SIPA1L3: variants seen among roughly 807,000 people sequenced by gnomAD.
SIPA1L3 encodes the protein signal-induced proliferation-associated 1-like protein 3.
Under a neutral mutation model 150.1 loss-of-function variants are expected in SIPA1L3, and 59 were observed. That is an observed-to-expected ratio of 0.39 (90% CI 0.32 to 0.49). SIPA1L3 has a LOEUF of 0.49. SIPA1L3 is among the 20% of genes least tolerant of loss of function. The pLI is 0.86. For missense variants in SIPA1L3, 2,211 were observed against 2,489.5 expected (o/e 0.89, Z 2.38); for synonymous variants, 1,070 against 1,077.6 (o/e 0.99, Z 0.14).
intron 1 of SIPA1L3, among the ~76,000 whole-genome samples, chr19:37,951,517 T>C (rs1488495614): frequency 6.6e-6 from 1 of 152,066 alleles, no homozygotes; most frequent in Non-Finnish European, 1.5e-5. Context: ...TTACAGATTA[T>C]TTTCATCTTC....
At chr19:38,138,389 A>G (rs1378755561) in intron 10 of SIPA1L3, among the ~76,000 whole-genome samples, 1 of 152,182 alleles carries the variant, frequency 6.6e-6, no homozygotes, top group African/African-American at 2.4e-5. Context: ...GACTCTGCGT[A>G]CCAGCAACAG....
chr19:38,157,653 G>A lies in SIPA1L3; in HGVS notation c.3662-4600G>A, dbSNP rs570111512. Among the ~76,000 whole-genome samples, 7 of 152,272 alleles carry A rather than the reference G, an allele frequency of 4.6e-5. No homozygotes were observed. The East Asian group carries it at 1.4e-3, about 29-fold the overall frequency. ...CCCTGCCCAGCATGTCAAGTTTGGG[G>A]TAGGAAGGCCAGCAGGTCACCGAGG... On this transcript the variant is annotated intron_variant, in intron 13 of 21. Coordinates refer to ENST00000222345, the MANE Select transcript of SIPA1L3 (RefSeq NM_015073.3).
At chr19:38,034,324 G>A (rs1013006534) in intron 2 of SIPA1L3, among the ~76,000 whole-genome samples, 3 of 152,178 alleles carry the variant, frequency 2.0e-5, no homozygotes, top group South Asian at 2.1e-4. Flanking sequence ...AGCGCCTCAC[G>A]TGCATGATCT....
intron 20 of SIPA1L3, 146 bp downstream of exon 20, chr19:38,202,143 C>T: frequency 2.7e-6 from 2 of 736,518 alleles, no homozygotes; most frequent in Non-Finnish European, 2.1e-6. Context: ...CCCCTCCTAA[C>T]AGACTTGGAA....
intron 9 of SIPA1L3, among the ~76,000 whole-genome samples, chr19:38,128,755 G>A (rs1971237369): frequency 6.6e-6 from 1 of 152,070 alleles, no homozygotes; most frequent in Admixed American, 6.6e-5. Flanking sequence ...AAATTAGCTG[G>A]GTGTGGTGGC....
At chr19:37,907,766 T>C (rs571212200) in intron 1 of SIPA1L3, 1 of 152,370 alleles carries the variant, frequency 6.6e-6, no homozygotes, top group African/African-American at 2.4e-5. Flanking sequence ...GGGTTATTGT[T>C]AGCTCTCCGA....
At position 38,047,143 on chromosome 19, in the gene SIPA1L3, T is replaced by C. The variant is rs1969077243; in HGVS notation, c.-311+17987T>C. ...TTGCGTGAGCCACACAGGTAGGAAG[T>C]GGCAGAACCAGGATTTGAACCCAGA... On this transcript the variant is annotated intron_variant, in intron 2 of 21. Coordinates refer to ENST00000222345, the MANE Select transcript of SIPA1L3 (RefSeq NM_015073.3). The surrounding 1 kb of genome is among the most constrained non-coding windows in gnomAD (Gnocchi z 4.7). Among the ~76,000 whole-genome samples, 1 of 152,164 alleles carries C rather than the reference T, an allele frequency of 6.6e-6. No individual in the cohort carries two copies. Among genetic ancestry groups the C allele is most frequent in the South Asian group, 2.1e-4 (1 of 4,832 alleles).
chr19:38,030,617 GTGGCAAATATATATATATATATA>G (rs1968626994), intron 2 of SIPA1L3, among the ~76,000 whole-genome samples: 1 of 10,408 alleles, frequency 9.6e-5, no homozygotes, highest in Admixed American at 2.0e-3. Flanking sequence ...ATATATATAT[GTGGCAAATATATATATATATATA>G]TATATATATA....
intron 1 of SIPA1L3, among the ~76,000 whole-genome samples, chr19:38,026,828 G>A (rs1418754991): frequency 6.6e-6 from 1 of 152,124 alleles, no homozygotes; most frequent in Non-Finnish European, 1.5e-5. Context: ...TATGCACAGG[G>A]CAATAAACCA....
intron 1 of SIPA1L3, among the ~76,000 whole-genome samples, chr19:37,981,585 G>A (rs1343113887): frequency 1.3e-5 from 2 of 151,948 alleles, no homozygotes; most frequent in African/African-American, 2.4e-5. Flanking sequence ...CATAGATGCC[G>A]GCAATTATTA....
chr19:38,006,409 C>T (rs930485884), intron 1 of SIPA1L3, among the ~76,000 whole-genome samples: 25 of 151,630 alleles, frequency 1.6e-4, no homozygotes, highest in Admixed American at 7.9e-4. Context: ...GAGTGGGGCA[C>T]GTTAAGAGAG....
chr19:38,196,535 A>AGAGTGTGGATGTCAAGGGAG, intron 18 of SIPA1L3, among the ~76,000 whole-genome samples: 1 of 133,982 alleles, frequency 7.5e-6, no homozygotes, highest in East Asian at 2.3e-4. Flanking sequence ...GGTCAAGGGC[A>AGAGTGTGGATGTCAAGGGAG]GAGCAAGGAG....
intron 16 of SIPA1L3, among the ~76,000 whole-genome samples, chr19:38,186,681 T>A (rs1972686030): frequency 6.6e-6 from 1 of 150,904 alleles, no homozygotes; most frequent in African/African-American, 2.4e-5. Flanking sequence ...TAGTTGCAGA[T>A]ACATTTTAAA....
At position 38,081,908 on chromosome 19, in the gene SIPA1L3, C is replaced by T; in HGVS notation, c.343C>T (p.His115Tyr). 6.2e-7 allele frequency: 1 copy of T among 1,614,194 alleles called. No homozygotes were observed. Among genetic ancestry groups the T allele is most frequent in the Non-Finnish European group, 8.5e-7 (1 of 1,180,010 alleles). The part of the protein sequence containing the change: ...TDGTKATKMA[H>Y]SMRSIQNGQP... ...TGGCACAAAGGCCACCAAGATGGCC[C>T]ATTCCATGAGGAGCATACAGAACGG... Residue 115 changes from histidine (H) to tyrosine (Y), a missense_variant, in exon 3 of 22, where the codon CAT becomes TAT. This residue lies in a region of SIPA1L3 where 130 missense variants were observed against 174.5 expected (regional missense o/e 0.74). Coordinates refer to ENST00000222345, the MANE Select transcript of SIPA1L3 (RefSeq NM_015073.3).
intron 2 of SIPA1L3, among the ~76,000 whole-genome samples, chr19:38,072,500 C>T (rs1480930002): frequency 6.6e-6 from 1 of 152,230 alleles, no homozygotes; most frequent in East Asian, 1.9e-4. Flanking sequence ...ACTCCCAGTC[C>T]CCTTCACAGA....
intron 9 of SIPA1L3, among the ~76,000 whole-genome samples, chr19:38,126,133 C>G (rs1223270380): frequency 1.3e-5 from 2 of 152,040 alleles, no homozygotes; most frequent in East Asian, 3.9e-4. Context: ...GAGATTGCAC[C>G]ACTGCACTCC....
At chr19:38,133,634 T>G (rs1367880963) in intron 10 of SIPA1L3, among the ~76,000 whole-genome samples, 1 of 152,102 alleles carries the variant, frequency 6.6e-6, no homozygotes, top group Non-Finnish European at 1.5e-5. Context: ...GAGATGATTT[T>G]ATATCACAGA....
At chr19:37,964,439 T>G (rs2046885052) in intron 1 of SIPA1L3, among the ~76,000 whole-genome samples, 1 of 152,194 alleles carries the variant, frequency 6.6e-6, no homozygotes, top group East Asian at 1.9e-4. Flanking sequence ...AACACAACGG[T>G]GATATAATTA....
intron 1 of SIPA1L3, among the ~76,000 whole-genome samples, chr19:38,009,178 G>A (rs746668181): frequency 6.6e-6 from 1 of 151,962 alleles, no homozygotes; most frequent in Non-Finnish European, 1.5e-5. Context: ...GGGATTACAG[G>A]TGCCTGCCAC....
Sources: gnomAD v4.1 joint callset for allele counts (sites outside exome capture counted in the v4.1 genomes callset) on GRCh38, gnomAD v4.1.1 for gene constraint, gnomAD v4.1.1 regional missense constraint, Gnocchi (gnomAD v3.1) non-coding constraint, MANE v1.5 for transcripts, NCBI Gene and HGNC (gene_info 2026-07-23, HGNC 2026-07-21) for gene names.